The following FLT1 variants were observed in gnomAD, a reference collection of about 807,000 sequenced individuals.
FLT1 encodes fms related receptor tyrosine kinase 1.
Under a neutral mutation model 156.3 loss-of-function variants are expected in FLT1, and 49 were observed. That is an observed-to-expected ratio of 0.31 (90% CI 0.25 to 0.40). The LOEUF (loss-of-function observed/expected upper bound fraction) is 0.40. Ranked by LOEUF, FLT1 falls within the 10% of genes least tolerant of loss-of-function variation. The pLI is 1.00. For missense variants in FLT1, 1,322 were observed against 1,637.2 expected, an observed-to-expected ratio of 0.81 and a Z score of 3.32; for synonymous variants, 594 against 583.8, an observed-to-expected ratio of 1.02 and a Z score of -0.25.
At chr13:28,383,412 C>T (rs1874163714) in intron 14 of FLT1, among the ~76,000 whole-genome samples, 1 of 152,112 alleles carries the variant, frequency 6.6e-6, no homozygotes, top group African/African-American at 2.4e-5. Flanking sequence ...GCCTGTAATC[C>T]CAGCACTTTG....
intron 14 of FLT1, among the ~76,000 whole-genome samples, chr13:28,383,476 A>G (rs1307105114): frequency 6.6e-6 from 1 of 152,074 alleles, no homozygotes; most frequent in African/African-American, 2.4e-5. Flanking sequence ...ATCCTGGCCA[A>G]CATGATGAAA....
intron 10 of FLT1, among the ~76,000 whole-genome samples, chr13:28,418,563 A>G (rs1876794866): frequency 6.6e-6 from 1 of 151,960 alleles, no homozygotes; most frequent in Non-Finnish European, 1.5e-5. Context: ...CAATCTATCT[A>G]GCCCCTTGTA....
chr13:28,349,444 A>G (rs1322582366), intron 15 of FLT1, among the ~76,000 whole-genome samples: 1 of 150,106 alleles, frequency 6.7e-6, no homozygotes, highest in African/African-American at 2.5e-5. Context: ...ACACACACAC[A>G]CACACACACA....
In FLT1 at chr13:28,465,815, G is replaced by T. The variant is rs1046353324; in HGVS notation, c.388+1088C>A. 1.8e-4 allele frequency among the ~76,000 whole-genome samples: 28 copies of T among 151,490 alleles called. 1 individual carries two copies. Among genetic ancestry groups the T allele is most frequent in the African/African-American group, 5.9e-4 (24 of 40,800 alleles). On this transcript the variant is annotated intron_variant, in intron 3 of 29. Transcript: ENST00000282397. ...GCTGCCATTGCACTCCAGCATGGGT[G>T]AGAGATCAAGACTCCATCTCAAAAA...
intron 1 of FLT1, among the ~76,000 whole-genome samples, chr13:28,482,670 A>G (rs907183027): frequency 6.6e-6 from 1 of 152,176 alleles, no homozygotes; most frequent in Non-Finnish European, 1.5e-5. Flanking sequence ...AGCGCATTTA[A>G]GAAATAACAA....
intron 14 of FLT1, among the ~76,000 whole-genome samples, chr13:28,359,493 A>G (rs1293612158): frequency 6.6e-6 from 1 of 152,238 alleles, no homozygotes; most frequent in Non-Finnish European, 1.5e-5. Flanking sequence ...TTTCTTGGAT[A>G]TGACCCCAAA....
chr13:28,321,704 C>A, intron 22 of FLT1, 119 bp from the exon 23 acceptor site: 1 of 964,716 alleles, frequency 1.0e-6, no homozygotes, highest in Non-Finnish European at 1.6e-6. Flanking sequence ...GAAGGGAGCA[C>A]CTCTCGGTGC....
At chr13:28,430,883 A>G (rs2137546081) in intron 7 of FLT1, among the ~76,000 whole-genome samples, 1 of 152,334 alleles carries the variant, frequency 6.6e-6, no homozygotes, top group South Asian at 2.1e-4. Context: ...TAAATATATT[A>G]GGTTCTAACC....
rs550288319 is a variant in FLT1, at chr13:28,431,261, T to C, written c.863A>G (p.His288Arg). 1 of 1,613,940 alleles carries C rather than the reference T, an allele frequency of 6.2e-7. No homozygotes were observed. The change falls in exon 7 of 30, where the codon CAT becomes CGT. Residue 288 changes from histidine (H) to arginine (R), a missense_variant. This residue lies in a region of FLT1 where 991 missense variants were observed against 1,254.8 expected (regional missense o/e 0.79). Coordinates refer to ENST00000282397, the MANE Select transcript of FLT1 (RefSeq NM_002019.4). ...VRRRIDQSNS[H>R]ANIFYSVLTI... ...AAGAACACTGTAGAATATGTTGGCA[T>C]GGGAATTGCTTTGGTCAATTCGTCG...
Position 28,303,000 on chromosome 13 carries a change from C to CTTGT in FLT1, c.*163_*166dup. On this transcript the variant is annotated 3_prime_UTR_variant, in exon 30 of 30. Coordinates refer to ENST00000282397, the MANE Select transcript of FLT1 (RefSeq NM_002019.4). The stretch of plus-strand genomic sequence containing the variant: ...CTATTTCTCTATCTGGAGTTACATT[C>CTTGT]TTGTTAGTCAAAAAAAAAAAAGCAC... 1.6e-6 allele frequency: 1 copy of CTTGT among 608,832 alleles called. No individual in the cohort carries two copies. 37.7% of individuals were successfully genotyped at this position (608,832 alleles called of 1,614,324 possible).
rs756983654 is a variant in FLT1, at chr13:28,368,606, G to C, written c.2117-10921C>G. On this transcript the variant is annotated intron_variant, in intron 14 of 29. Coordinates refer to ENST00000282397, the MANE Select transcript of FLT1 (RefSeq NM_002019.4). ...TGATGATGATGATGATGACGATGAT[G>C]ATGATGATGACAATGGTGATGATGA... is the stretch of plus-strand genomic sequence containing the variant. The C allele has an allele frequency of 3.5e-6, 5 of 1,445,476 alleles. No individual in the cohort carries two copies. In the Admixed American group the frequency reaches 9.8e-5, roughly 28 times the overall value. 89.5% of individuals were successfully genotyped at this position (1,445,476 alleles called of 1,614,324 possible).
At chr13:28,477,379 G>A (rs923086755) in intron 1 of FLT1, among the ~76,000 whole-genome samples, 8 of 152,156 alleles carry the variant, frequency 5.3e-5, no homozygotes, top group African/African-American at 1.4e-4. Flanking sequence ...CCCAAAAAAT[G>A]CTCTACTCCT....
intron 1 of FLT1, among the ~76,000 whole-genome samples, chr13:28,471,386 T>G (rs1304694063): frequency 6.6e-6 from 1 of 152,198 alleles, no homozygotes; most frequent in Non-Finnish European, 1.5e-5. Context: ...GTGAAAATAT[T>G]TATTTCTTGA....
At chr13:28,465,215 G>C (rs1344508233) in intron 3 of FLT1, among the ~76,000 whole-genome samples, 1 of 152,054 alleles carries the variant, frequency 6.6e-6, no homozygotes, top group Non-Finnish European at 1.5e-5. Flanking sequence ...CCCTGCTTTA[G>C]AAGTGGGCTG....
intron 3 of FLT1, among the ~76,000 whole-genome samples, chr13:28,455,593 A>G (rs1879216507): frequency 6.6e-6 from 1 of 152,256 alleles, no homozygotes; most frequent in African/African-American, 2.4e-5. Flanking sequence ...ATGACTTTTT[A>G]GATGCAACAC....
chr13:28,358,201 A>G (rs980048332), intron 14 of FLT1, among the ~76,000 whole-genome samples: 3 of 152,222 alleles, frequency 2.0e-5, no homozygotes, highest in Non-Finnish European at 4.4e-5. Flanking sequence ...CACCAAGAGC[A>G]TGCAGTTTGA....
rs1879879073 is a variant in FLT1 at position 28,466,883 on chromosome 13, G to A, written c.388+20C>T. On this transcript the variant is annotated intron_variant, in intron 3 of 29. Coordinates refer to ENST00000282397, the MANE Select transcript of FLT1 (RefSeq NM_002019.4). ...TTTGCAAAGCAAAAGCAAACAGAATGTAGAAAATGGAAGTCTTACCACTAA... is the reference window on the plus strand; with the variant it reads ...TTTGCAAAGCAAAAGCAAACAGAATATAGAAAATGGAAGTCTTACCACTAA... 1.3e-6 allele frequency: 2 copies of A among 1,518,312 alleles called. No individual in the cohort carries two copies. The highest frequency in any genetic ancestry group is 2.2e-5 in the South Asian group (2 of 89,184). 94.1% of individuals were successfully genotyped at this position (1,518,312 alleles called of 1,614,324 possible).
At chr13:28,494,261 C>G (rs1023489026) in intron 1 of FLT1, among the ~76,000 whole-genome samples, 51 of 152,368 alleles carry the variant, frequency 3.3e-4, no homozygotes, top group African/African-American at 1.2e-3. Context: ...CCCTCCTACA[C>G]TCTCGTGACG....
At chr13:28,303,499 C>CT (rs943510077) in intron 29 of FLT1, 131 bp from the exon 30 acceptor site, 3 of 789,994 alleles carry the variant, frequency 3.8e-6, no homozygotes, top group South Asian at 1.5e-5. Flanking sequence ...GGAACCCCCC[C>CT]CCCCTCAATT....
Sources: gnomAD v4.1 joint callset for allele counts (sites outside exome capture counted in the v4.1 genomes callset) on GRCh38, gnomAD v4.1.1 for gene constraint, gnomAD v4.1.1 regional missense constraint, MANE v1.5 for transcripts, NCBI Gene and HGNC (gene_info 2026-07-23, HGNC 2026-07-21) for gene names.